Variants in CYP2C8 observed in about 807,000 individuals in gnomAD.
CYP2C8 encodes cytochrome P450 family 2 subfamily C member 8, also known as cytochrome P450 2C8.
In CYP2C8, 51 loss-of-function variants were observed where a neutral mutation model predicts 41.3. The ratio of observed to expected loss-of-function variants is 1.24; its 90% confidence interval spans 0.99 to 1.56. The LOEUF (loss-of-function observed/expected upper bound fraction) is 1.56, where lower values mean the gene tolerates loss of function less well. CYP2C8 is among the 40% of genes most tolerant of loss of function. CYP2C8 has a pLI of 0.00. For synonymous variants in CYP2C8, 218 were observed against 205.8 expected, an observed-to-expected ratio of 1.06 and a Z score of -0.51; for missense variants, 651 against 579.9, an observed-to-expected ratio of 1.12 and a Z score of -1.26.
intron 7 of CYP2C8, chr10:95,040,851 C>G (rs1194639879): frequency 2.2e-6 from 1 of 454,294 alleles, no homozygotes; most frequent in Non-Finnish European, 4.4e-6. Context: ...TACAACTAAG[C>G]AGTCACACGA....
chr10:95,047,869 A>C (rs1443831674), intron 5 of CYP2C8, among the ~76,000 whole-genome samples: 1 of 152,230 alleles, frequency 6.6e-6, no homozygotes, highest in Non-Finnish European at 1.5e-5. Flanking sequence ...AGTTAAAAAC[A>C]GCTCAGATCC....
At chr10:95,067,039 GATACACAA>G (rs2134441600) in intron 3 of CYP2C8, among the ~76,000 whole-genome samples, 161 bp downstream of exon 3, 1 of 152,272 alleles carries the variant, frequency 6.6e-6, no homozygotes, top group African/African-American at 2.4e-5. Context: ...GCAAAGCACA[GATACACAA>G]AACCTCCCTT....
At position 95,069,304 on chromosome 10, in the gene CYP2C8, G is replaced by A; in HGVS notation, c.99C>T (p.Pro33=). 2 of 1,613,928 alleles carry A rather than the reference G, an allele frequency of 1.2e-6. No homozygotes were observed. The highest frequency in any genetic ancestry group is 1.7e-6 in the Non-Finnish European group (2 of 1,179,878). The change falls in exon 1 of 9, where the codon CCC becomes CCT. Residue 33 remains proline (P), a synonymous_variant. Transcript: ENST00000371270. ...SCRRRKLPPG[P]TPLPIIGNML... Reference sequence around the variant, plus strand: ...TATTTCCAATAATAGGAAGAGGAGTGGGGCCAGGAGGGAGCTTCCTTCTCC... The same window carrying A: ...TATTTCCAATAATAGGAAGAGGAGTAGGGCCAGGAGGGAGCTTCCTTCTCC...
chr10:95,068,618 A>G (rs1213615831), intron 1 of CYP2C8: 7 of 1,288,992 alleles, frequency 5.4e-6, no homozygotes, highest in African/African-American at 3.0e-5. Context: ...GTCAAAAATC[A>G]TAGCAAAACA....
intron 4 of CYP2C8, 21 bp downstream of exon 4, chr10:95,064,779 A>G: frequency 6.2e-7 from 1 of 1,612,162 alleles, no homozygotes. Flanking sequence ...GTTTCCAAGG[A>G]AAATAAAATC....
rs115534744 is a variant in CYP2C8 at position 95,042,151 on chromosome 10, A to G, written c.1149+739T>C. Among the ~76,000 whole-genome samples the G allele has an allele frequency of 2.6e-3, 401 of 152,344 alleles. 2 individuals are homozygous for G. Among genetic ancestry groups the G allele is most frequent in the African/African-American group, 9.0e-3 (375 of 41,578 alleles). On this transcript the variant is annotated intron_variant, in intron 7 of 8. Transcript: ENST00000371270. ...GAAATAAGGATGCCCTCTATCACCA[A>G]TTCTGTTCAATGCTAACCTGAAAAT...
chr10:95,043,073 T>C lies in CYP2C8; in HGVS notation c.966A>G (p.Lys322=). Residue 322 remains lysine, a synonymous_variant, in exon 7 of 9, where the codon AAA becomes AAG. Transcript: ENST00000371270. ...LLLKHPEVTA[K]VQEEIDHVIG... is the part of the protein sequence containing the mutation. ...TTACATGATCAATCTCTTCCTGGACTTTAGCTGACAAGACACAAGAAAGAA... is the reference window on the plus strand; with the variant it reads ...TTACATGATCAATCTCTTCCTGGACCTTAGCTGACAAGACACAAGAAAGAA... 1.2e-6 allele frequency: 2 copies of C among 1,614,126 alleles called. No homozygotes were observed. The highest frequency in any genetic ancestry group is 1.7e-6 in the Non-Finnish European group (2 of 1,179,996).
At chr10:95,058,660 A>C in intron 4 of CYP2C8, 149 bp from the exon 5 acceptor site, 1 of 735,160 alleles carries the variant, frequency 1.4e-6, no homozygotes, top group Non-Finnish European at 2.2e-6. Flanking sequence ...ATTTTTTATT[A>C]CACTTTAAGT....
intron 5 of CYP2C8, among the ~76,000 whole-genome samples, chr10:95,056,885 A>G (rs2033324611): frequency 6.6e-6 from 1 of 152,132 alleles, no homozygotes; most frequent in African/African-American, 2.4e-5. Context: ...GGCTTTGCCC[A>G]GAAAAGAATT....
At chr10:95,044,003 G>A (rs1241356738) in intron 6 of CYP2C8, among the ~76,000 whole-genome samples, 2 of 151,992 alleles carry the variant, frequency 1.3e-5, no homozygotes, top group Admixed American at 1.3e-4. Flanking sequence ...CCAATTATAG[G>A]GAAATCTCAG....
chr10:95,044,675 A>AT (rs2033073488), intron 6 of CYP2C8, among the ~76,000 whole-genome samples: 1 of 151,914 alleles, frequency 6.6e-6, no homozygotes, highest in African/African-American at 2.4e-5. Context: ...CGCCGAGTAC[A>AT]GGGGTTCTTA....
chr10:95,044,524 G>A (rs1055567693), intron 6 of CYP2C8, among the ~76,000 whole-genome samples: 1 of 152,150 alleles, frequency 6.6e-6, no homozygotes, highest in Non-Finnish European at 1.5e-5. Flanking sequence ...TTTCTTCTCT[G>A]GAGAGTATCT....
At position 95,037,108 on chromosome 10, in the gene CYP2C8, G is replaced by T. The variant is rs1260341864; in HGVS notation, c.*20C>A. ...AGTTGCAGGTGATAGCAGATCGGCA[G>T]CCAGATGGGCTAGCATTCTTCAGAC... On this transcript the variant is annotated 3_prime_UTR_variant, in exon 9 of 9. Transcript: ENST00000371270. 1.2e-6 allele frequency: 2 copies of T among 1,612,398 alleles called. No homozygotes were observed. Among genetic ancestry groups the T allele is most frequent in the Admixed American group, 1.7e-5 (1 of 59,984 alleles).
intron 5 of CYP2C8, among the ~76,000 whole-genome samples, chr10:95,049,299 C>A (rs1042071815): frequency 5.3e-5 from 8 of 152,080 alleles, no homozygotes; most frequent in African/African-American, 1.9e-4. Flanking sequence ...TCATAAGAAC[C>A]AAAATCAGAT....
At chr10:95,040,501 T>C (rs1003761293) in intron 7 of CYP2C8, among the ~76,000 whole-genome samples, 2 of 152,200 alleles carry the variant, frequency 1.3e-5, no homozygotes, top group African/African-American at 4.8e-5. Flanking sequence ...AATTGTGTAG[T>C]TTATAGCATA....
At chr10:95,037,693 C>T (rs907692201) in intron 8 of CYP2C8, among the ~76,000 whole-genome samples, 8 of 152,134 alleles carry the variant, frequency 5.3e-5, no homozygotes, top group African/African-American at 1.9e-4. Flanking sequence ...GTTTCCTGTT[C>T]CAAGCCTGAT....
At chr10:95,037,347 GT>G in intron 8 of CYP2C8, 38 bp from the exon 9 acceptor site, 2 of 1,570,080 alleles carry the variant, frequency 1.3e-6, no homozygotes, top group Admixed American at 1.7e-5. Flanking sequence ...TACTCCTTGT[GT>G]TTAACTGTGA....
At chr10:95,039,191 G>A (rs566727817) in intron 7 of CYP2C8, 153 bp from the exon 8 acceptor site, 6 of 706,436 alleles carry the variant, frequency 8.5e-6, no homozygotes, top group Non-Finnish European at 1.5e-5. Flanking sequence ...CTTAAGGCCA[G>A]TGGTGGAAGC....
At chr10:95,057,750 C>A (rs1279132571) in intron 5 of CYP2C8, among the ~76,000 whole-genome samples, 1 of 152,156 alleles carries the variant, frequency 6.6e-6, no homozygotes, top group Non-Finnish European at 1.5e-5. Flanking sequence ...ACAGGATTCA[C>A]TCTCACAGGT....
Sources: gnomAD v4.1 joint callset for allele counts (sites outside exome capture counted in the v4.1 genomes callset) on GRCh38, gnomAD v4.1.1 for gene constraint, MANE v1.5 for transcripts, NCBI Gene and HGNC (gene_info 2026-07-23, HGNC 2026-07-21) for gene names.